Variants in DHX15 observed in about 807,000 individuals in gnomAD.
The protein encoded by DHX15 is DEAH-box helicase 15, also known as ATP-dependent RNA helicase DHX15.
In DHX15, 11 loss-of-function variants were observed where a neutral mutation model predicts 94.4. That is an observed-to-expected ratio of 0.12 (90% CI 0.07 to 0.19). The LOEUF is 0.19. DHX15 is among the 10% of genes least tolerant of loss of function. DHX15 has a pLI of 1.00. For missense variants in DHX15, 304 were observed against 988.5 expected (o/e 0.31, Z 9.29); for synonymous variants, 338 against 329.9 (o/e 1.02, Z -0.27).
At chr4:24,546,008 G>A (rs896391398) in intron 6 of DHX15, among the ~76,000 whole-genome samples, 1 of 151,836 alleles carries the variant, frequency 6.6e-6, no homozygotes, top group Non-Finnish European at 1.5e-5. Context: ...TTTTCTAATA[G>A]AACCACTTCC....
At chr4:24,580,028 T>G (rs909849337) in intron 1 of DHX15, among the ~76,000 whole-genome samples, 1 of 152,216 alleles carries the variant, frequency 6.6e-6, no homozygotes, top group Non-Finnish European at 1.5e-5. Context: ...CCTCCCAAAG[T>G]GCTGGGATTA....
chr4:24,527,655 T>C lies in DHX15; in HGVS notation c.*269A>G, dbSNP rs540307250. 8 of 307,282 alleles carry C rather than the reference T, an allele frequency of 2.6e-5. No homozygotes were observed. The highest frequency in any genetic ancestry group is 2.3e-4 in the Admixed American group (5 of 21,964). The allele number at this position is 307,282 out of a possible 1,614,324, so 19.0% of individuals were successfully genotyped here. ...GCATTTTCAACCATTTCTAAAGAAATGCTTATAACATTGTTATATATAGAA... is the reference window on the plus strand; with the variant it reads ...GCATTTTCAACCATTTCTAAAGAAACGCTTATAACATTGTTATATATAGAA... On this transcript the variant is annotated 3_prime_UTR_variant, in exon 14 of 14. Coordinates refer to ENST00000336812, the MANE Select transcript of DHX15 (RefSeq NM_001358.3).
intron 2 of DHX15, among the ~76,000 whole-genome samples, chr4:24,575,315 G>A (rs1404092571): frequency 1.3e-5 from 2 of 152,090 alleles, no homozygotes; most frequent in African/African-American, 4.8e-5. Flanking sequence ...ATCTCTGCAT[G>A]GTAAGACAGG....
intron 1 of DHX15, among the ~76,000 whole-genome samples, chr4:24,580,003 A>T (rs1722372808): frequency 6.6e-5 from 10 of 152,162 alleles, no homozygotes; most frequent in Admixed American, 6.5e-4. Context: ...TGACCTCATG[A>T]TCTGACTGCC....
At chr4:24,546,779 GTT>G (rs1355979272) in intron 6 of DHX15, among the ~76,000 whole-genome samples, 1 of 152,036 alleles carries the variant, frequency 6.6e-6, no homozygotes, top group Non-Finnish European at 1.5e-5. Context: ...CAAATATAAA[GTT>G]ATACAGAATC....
intron 6 of DHX15, among the ~76,000 whole-genome samples, chr4:24,544,600 G>C (rs1721384800): frequency 6.6e-6 from 1 of 152,186 alleles, no homozygotes; most frequent in East Asian, 1.9e-4. Context: ...AGCATAACCG[G>C]CATTTAATAT....
At chr4:24,562,007 T>G (rs1328935912) in intron 3 of DHX15, among the ~76,000 whole-genome samples, 2 of 151,936 alleles carry the variant, frequency 1.3e-5, no homozygotes, top group Non-Finnish European at 2.9e-5. Flanking sequence ...GGCGTGCACC[T>G]GTAGCCCCAG....
chr4:24,581,373 C>T (rs1358985421), intron 1 of DHX15, among the ~76,000 whole-genome samples: 1 of 152,086 alleles, frequency 6.6e-6, no homozygotes, highest in African/African-American at 2.4e-5. Flanking sequence ...CAGTTAATGA[C>T]ATTTCTGAGT....
At chr4:24,583,460 G>T (rs181385853) in intron 1 of DHX15, among the ~76,000 whole-genome samples, 1 of 144,748 alleles carries the variant, frequency 6.9e-6, no homozygotes, top group African/African-American at 2.5e-5. Flanking sequence ...GACATGCATA[G>T]AAAATAAATG....
chr4:24,561,059 G>A (rs974106482), intron 3 of DHX15, among the ~76,000 whole-genome samples: 5 of 152,098 alleles, frequency 3.3e-5, no homozygotes, highest in Admixed American at 2.6e-4. Context: ...TCTATGACCC[G>A]AACAATTTCA....
intron 12 of DHX15, chr4:24,530,346 G>A (rs2109390707): frequency 6.5e-6 from 1 of 154,200 alleles, no homozygotes; most frequent in African/African-American, 2.4e-5. Context: ...GGGAGGCTGA[G>A]ACAGGCAGAT....
At chr4:24,545,385 G>A (rs1721401479) in intron 6 of DHX15, among the ~76,000 whole-genome samples, 1 of 151,678 alleles carries the variant, frequency 6.6e-6, no homozygotes, top group Non-Finnish European at 1.5e-5. Context: ...TTTTTGTCTG[G>A]GTGAGTGTAT....
At position 24,529,588 on chromosome 4, in the gene DHX15, A is replaced by C. The variant is rs1721034424; in HGVS notation, c.2270+13T>G. On this transcript the variant is annotated intron_variant, in intron 13 of 13. Transcript: ENST00000336812. ...TACTAACAAAAAACTGTTAGAACAA[A>C]AGGTGTACTTACCATTCTGGCTTGA... The C allele has an allele frequency of 1.2e-6, 2 of 1,612,780 alleles. No individual in the cohort carries two copies. The highest frequency in any genetic ancestry group is 1.7e-6 in the Non-Finnish European group (2 of 1,179,256).
At chr4:24,536,474 T>C (rs1246353120) in intron 11 of DHX15, among the ~76,000 whole-genome samples, 1 of 152,204 alleles carries the variant, frequency 6.6e-6, no homozygotes, top group Non-Finnish European at 1.5e-5. Context: ...CTAAGGAATA[T>C]TTTTCAATAT....
At position 24,584,089 on chromosome 4, in the gene DHX15, G is replaced by T. The variant is rs1577355643; in HGVS notation, c.71+234C>A. The T allele has an allele frequency of 2.9e-5, 16 of 547,128 alleles. No homozygotes were observed. In the East Asian group the frequency reaches 5.0e-4, roughly 17 times the overall value. 33.9% of individuals were successfully genotyped at this position (547,128 alleles called of 1,614,324 possible). ...GGAGGCGCCCTCATGGCTACTGCAG[G>T]CCTCTCCACCCTCCGGACTGGGCTG... is the stretch of plus-strand genomic sequence containing the variant. On this transcript the variant is annotated intron_variant, in intron 1 of 13. Transcript: ENST00000336812.
rs375366424 is a variant in DHX15, at chr4:24,576,621, T to C, written c.129A>G (p.Glu43=). The change falls in exon 2 of 14, where the codon GAA becomes GAG. Residue 43 remains glutamate (E), a synonymous_variant. Transcript: ENST00000336812. ...REDRSKDRDR[E]RDRGDRERER... is the part of the protein sequence containing the mutation. ...CTCGCTCTCTATCTCCTCTATCACG[T>C]TCTCGGTCTCGATCTTTAGACCGAT... is the stretch of plus-strand genomic sequence containing the variant. 1.4e-5 allele frequency: 23 copies of C among 1,614,096 alleles called. No individual in the cohort carries two copies. The highest frequency in any genetic ancestry group is 1.7e-4 in the Middle Eastern group (1 of 6,060).
chr4:24,544,750 ATTAC>A (rs928038790), intron 6 of DHX15, among the ~76,000 whole-genome samples: 1 of 152,206 alleles, frequency 6.6e-6, no homozygotes, highest in African/African-American at 2.4e-5. Flanking sequence ...TAACTTGCAT[ATTAC>A]TTAGTCTACA....
At chr4:24,548,562 T>C (rs1385901961) in intron 6 of DHX15, among the ~76,000 whole-genome samples, 4 of 152,214 alleles carry the variant, frequency 2.6e-5, no homozygotes, top group African/African-American at 9.6e-5. Flanking sequence ...AAAGAAAAAG[T>C]GCTTACTTTA....
At chr4:24,553,256 G>A (rs1269602430) in intron 5 of DHX15, among the ~76,000 whole-genome samples, 1 of 152,174 alleles carries the variant, frequency 6.6e-6, no homozygotes, top group Non-Finnish European at 1.5e-5. Flanking sequence ...GGGAGGCAGA[G>A]GTTGCGGTGA....
Sources: allele counts gnomAD v4.1 joint callset (sites outside exome capture counted in the v4.1 genomes callset), GRCh38; gene constraint gnomAD v4.1.1; transcripts MANE v1.5; gene names NCBI Gene and HGNC (gene_info 2026-07-23, HGNC 2026-07-21).